Variants in CLASP1 observed in about 807,000 individuals in gnomAD.
CLASP1 encodes the protein cytoplasmic linker associated protein 1, also known as CLIP-associating protein 1.
In CLASP1, 38 loss-of-function variants were observed where a neutral mutation model predicts 192.3. The ratio of observed to expected loss-of-function variants is 0.20; its 90% CI spans 0.15 to 0.26. The LOEUF (loss-of-function observed/expected upper bound fraction) is 0.26. CLASP1 is among the 10% of genes least tolerant of loss of function. The probability of loss-of-function intolerance (pLI) is 1.00; values close to 1 mark genes in which losing one functional copy is unlikely to be tolerated. For missense variants in CLASP1, 1,433 were observed against 1,932.5 expected, an observed-to-expected ratio of 0.74 and a Z score of 4.85; for synonymous variants, 691 against 712.8, an observed-to-expected ratio of 0.97 and a Z score of 0.49.
rs974734594 is a variant in CLASP1, at chr2:121,510,671, G to A, written c.644+4994C>T. Among the ~76,000 whole-genome samples the A allele has an allele frequency of 2.6e-5, 4 of 151,688 alleles. No homozygotes were observed. The South Asian group carries it at 6.3e-4, about 24-fold the overall frequency. ...AAATTACCCGCGCATGGTAGCATGC[G>A]CCTGTAGTCCCAGCTACTTGGGAGG... On this transcript the variant is annotated intron_variant, in intron 7 of 39. Coordinates refer to ENST00000263710, the Ensembl canonical transcript of CLASP1.
At chr2:121,436,087 A>G (rs1049566698) in intron 19 of CLASP1, among the ~76,000 whole-genome samples, 4 of 151,222 alleles carry the variant, frequency 2.6e-5, no homozygotes, top group Middle Eastern at 3.2e-3. Context: ...GTTGGAGTAC[A>G]GTGGTGTGAT....
At chr2:121,516,485 C>A (rs566902962) in intron 6 of CLASP1, among the ~76,000 whole-genome samples, 16 of 152,334 alleles carry the variant, frequency 1.1e-4, no homozygotes, top group Admixed American at 5.2e-4. Flanking sequence ...ACGGCACATG[C>A]TTCAGGAAGA....
chr2:121,348,371 C>T lies in CLASP1; in HGVS notation c.4413+141G>A, dbSNP rs980113018. The T allele has an allele frequency of 8.6e-6, 6 of 695,488 alleles. No individual in the cohort carries two copies. In the East Asian group the frequency reaches 1.4e-4, roughly 16 times the overall value. The allele number at this position is 695,488 out of a possible 1,614,324, so 43.1% of individuals were successfully genotyped here. On this transcript the variant is annotated intron_variant, in intron 38 of 39. Coordinates refer to ENST00000263710, the Ensembl canonical transcript of CLASP1. ...CGACAGAGGAGGCTGTGAAGTGTCC[C>T]TGCCACACGGCCTCACAGGTCCTGC... is the stretch of plus-strand genomic sequence containing the variant.
chr2:121,538,295 G>A (rs979752016), intron 2 of CLASP1, among the ~76,000 whole-genome samples: 2 of 151,974 alleles, frequency 1.3e-5, no homozygotes, highest in Non-Finnish European at 2.9e-5. Flanking sequence ...GCCTGTAATC[G>A]CAGCTACTTG....
chr2:121,500,223 A>G (rs1027124400), intron 8 of CLASP1, among the ~76,000 whole-genome samples: 12 of 152,086 alleles, frequency 7.9e-5, no homozygotes, highest in African/African-American at 2.9e-4. Context: ...AGTTCAAAAG[A>G]GATCAAAGAA....
chr2:121,517,689 T>C (rs1360463824), intron 6 of CLASP1, among the ~76,000 whole-genome samples: 2 of 151,648 alleles, frequency 1.3e-5, no homozygotes, highest in African/African-American at 2.4e-5. Flanking sequence ...CGCCCATCTC[T>C]ACAAAAAAAA....
exon 34 of CLASP1, chr2:121,377,613 T>G (rs1405747002): frequency 1.3e-6 from 2 of 1,591,872 alleles, no homozygotes; most frequent in Admixed American, 3.5e-5. Flanking sequence ...TATAGATTTC[T>G]TCAGAGTTCA....
At chr2:121,415,588 C>T (rs1246082728) in intron 23 of CLASP1, among the ~76,000 whole-genome samples, 3 of 152,164 alleles carry the variant, frequency 2.0e-5, no homozygotes, top group East Asian at 3.9e-4. Context: ...AAAACATTAA[C>T]TTATTGACTA....
intron 2 of CLASP1, among the ~76,000 whole-genome samples, chr2:121,542,292 A>T (rs2095250851): frequency 6.6e-6 from 1 of 152,246 alleles, no homozygotes; most frequent in Non-Finnish European, 1.5e-5. Context: ...GTCAAAAAGA[A>T]AACACACTGT....
At chr2:121,516,665 A>G (rs2150355196) in intron 6 of CLASP1, among the ~76,000 whole-genome samples, 1 of 152,380 alleles carries the variant, frequency 6.6e-6, no homozygotes, top group South Asian at 2.1e-4. Flanking sequence ...GAGAAAAATG[A>G]CATGCGTTAA....
intron 2 of CLASP1, among the ~76,000 whole-genome samples, chr2:121,582,365 AAGAC>A (rs2061286034): frequency 2.0e-5 from 3 of 148,058 alleles, no homozygotes; most frequent in Non-Finnish European, 3.0e-5. Context: ...GAGAGAAAGA[AAGAC>A]AAAGACAGAA....
At chr2:121,357,716 C>T (rs901650198) in intron 37 of CLASP1, among the ~76,000 whole-genome samples, 4 of 152,178 alleles carry the variant, frequency 2.6e-5, no homozygotes, top group African/African-American at 9.7e-5. Flanking sequence ...CTGTGCCTGG[C>T]ACTTTACAAG....
intron 14 of CLASP1, among the ~76,000 whole-genome samples, chr2:121,457,113 T>C (rs1467368027): frequency 1.3e-5 from 2 of 152,166 alleles, no homozygotes; most frequent in African/African-American, 4.8e-5. Flanking sequence ...GATAGGGACT[T>C]GGGAACAAAC....
chr2:121,396,632 C>T (rs1305301985), intron 30 of CLASP1, among the ~76,000 whole-genome samples: 1 of 152,236 alleles, frequency 6.6e-6, no homozygotes, highest in African/African-American at 2.4e-5. Flanking sequence ...GAATAAGTTT[C>T]AGCCCGTACC....
intron 34 of CLASP1, among the ~76,000 whole-genome samples, chr2:121,369,799 A>G (rs561186572): frequency 6.6e-6 from 1 of 152,350 alleles, no homozygotes; most frequent in South Asian, 2.1e-4. Context: ...GCTACTGTAG[A>G]TAATGCTGAA....
chr2:121,349,689 CTG>C (rs1176748251), intron 37 of CLASP1, among the ~76,000 whole-genome samples: 1 of 152,194 alleles, frequency 6.6e-6, no homozygotes, highest in Non-Finnish European at 1.5e-5. Flanking sequence ...TTCTAGGACT[CTG>C]TGCTCACGAT....
At chr2:121,428,404 AT>A (rs1391770342) in intron 20 of CLASP1, among the ~76,000 whole-genome samples, 2 of 152,236 alleles carry the variant, frequency 1.3e-5, no homozygotes, top group African/African-American at 4.8e-5. Flanking sequence ...GGCATTTTTT[AT>A]TTGGCTTAAT....
intron 21 of CLASP1, among the ~76,000 whole-genome samples, chr2:121,426,050 T>A (rs1390615777): frequency 1.3e-5 from 2 of 151,724 alleles, no homozygotes; most frequent in East Asian, 3.9e-4. Flanking sequence ...GAGACTGAGG[T>A]GGGAGGATCA....
intron 19 of CLASP1, 91 bp downstream of exon 19, chr2:121,447,246 C>T (rs1345404711): frequency 8.4e-7 from 1 of 1,190,178 alleles, no homozygotes; most frequent in Non-Finnish European, 1.2e-6. Flanking sequence ...GTGAGACTTG[C>T]CTCAATCATG....
Sources: gnomAD v4.1 joint callset for allele counts (sites outside exome capture counted in the v4.1 genomes callset) on GRCh38, gnomAD v4.1.1 for gene constraint, MANE v1.5 for transcripts, NCBI Gene and HGNC (gene_info 2026-07-23, HGNC 2026-07-21) for gene names.